Variants in COX10 observed in about 807,000 individuals in gnomAD.
COX10 encodes protoheme IX farnesyltransferase, mitochondrial.
Under a neutral mutation model 37.3 loss-of-function variants are expected in COX10, and 27 were observed. The observed-to-expected ratio is 0.72, with a 90% CI of 0.53 to 1.00. The LOEUF is 1.00. Ranked by LOEUF, COX10 falls within the 50% of genes least tolerant of loss-of-function variation. The pLI, the probability that COX10 is intolerant of heterozygous loss-of-function variation, is 0.00. For missense variants in COX10, 475 were observed against 563.2 expected (o/e 0.84, Z 1.59); for synonymous variants, 222 against 229.1 (o/e 0.97, Z 0.28).
rs893194386 is a variant in COX10 at position 14,208,173 on chromosome 17, A to G, written c.*960A>G. On this transcript the variant is annotated 3_prime_UTR_variant, in exon 7 of 7. Coordinates refer to ENST00000261643, the MANE Select transcript of COX10 (RefSeq NM_001303.4). Reference sequence around the variant, plus strand: ...GGGTGAAAAATACATGTCCATCCTGATATCTCCTGAATTCAGAAATTAGCC... The same window carrying G: ...GGGTGAAAAATACATGTCCATCCTGGTATCTCCTGAATTCAGAAATTAGCC... 1 of 152,198 alleles carries G rather than the reference A, an allele frequency of 6.6e-6. No homozygotes were observed. The highest frequency in any genetic ancestry group is 1.5e-5 in the Non-Finnish European group (1 of 68,050). The allele number at this position is 152,198 out of a possible 1,614,324, so 9.4% of individuals were successfully genotyped here.
intron 4 of COX10, among the ~76,000 whole-genome samples, chr17:14,141,141 A>G (rs1904531339): frequency 6.6e-6 from 1 of 152,042 alleles, no homozygotes; most frequent in Non-Finnish European, 1.5e-5. Flanking sequence ...TCACTTTTGT[A>G]TCTGAAACCG....
intron 1 of COX10, among the ~76,000 whole-genome samples, chr17:14,073,419 G>A (rs1915074037): frequency 6.6e-6 from 1 of 152,154 alleles, no homozygotes; most frequent in Non-Finnish European, 1.5e-5. Context: ...AGGGAACAGA[G>A]TAGAGATTGG....
intron 4 of COX10, among the ~76,000 whole-genome samples, chr17:14,105,780 G>C (rs35409816): frequency 6.6e-6 from 1 of 151,932 alleles, no homozygotes; most frequent in South Asian, 2.1e-4. Flanking sequence ...TCTTGCTTTT[G>C]TAGTGCCTAT....
At chr17:14,125,967 T>C (rs1169132693) in intron 4 of COX10, among the ~76,000 whole-genome samples, 1 of 152,154 alleles carries the variant, frequency 6.6e-6, no homozygotes, top group Non-Finnish European at 1.5e-5. Flanking sequence ...GCCAAAGCCA[T>C]CAGACAACCT....
At position 14,168,008 on chromosome 17, in the gene COX10, A is replaced by G. The variant is rs139933453; in HGVS notation, c.695+8061A>G. The stretch of plus-strand genomic sequence containing the variant: ...CTCAAAAGTCCAAGTCCAAAGTCCC[A>G]TCTGAGACAAGGGAAATAAATCCCT... On this transcript the variant is annotated intron_variant, in intron 5 of 6. Transcript: ENST00000261643. Among the ~76,000 whole-genome samples, 584 of 152,342 alleles carry G rather than the reference A, an allele frequency of 3.8e-3. 4 individuals are homozygous for G. The highest frequency in any genetic ancestry group is 0.012 in the African/African-American group (500 of 41,588).
At position 14,076,807 on chromosome 17, in the gene COX10, C is replaced by T. The variant is rs764609746; in HGVS notation, c.250C>T (p.Leu84Phe). Residue 84 changes from leucine (L) to phenylalanine (F), a missense_variant, in exon 3 of 7, where the codon CTT (leucine) becomes TTT (phenylalanine). Physicochemically the swap from Leu to Phe is conservative, Grantham distance 22 (BLOSUM62 0). This residue lies in a region of COX10 where 242 missense variants were observed against 242.5 expected (regional missense o/e 1.00). Transcript: ENST00000261643. ...GCCAGAACCAGTAGCATCTCCTTTC[C>T]TTGAAAAAACATCTTCAGGTCAAGC... ...PKPEPVASPFLEKTSSGQAKA... is the reference protein window; with the variant it reads ...PKPEPVASPFFEKTSSGQAKA... 10 of 1,614,102 alleles carry T rather than the reference C, an allele frequency of 6.2e-6. No individual in the cohort carries two copies. Among genetic ancestry groups the T allele is most frequent in the Non-Finnish European group, 7.6e-6 (9 of 1,180,012 alleles).
rs1356416285 is a variant in COX10, at chr17:14,179,894, T to C, written c.696-12095T>C. ...CAAAAGGTTATTTAGAGAGGATAAA[T>C]TAAAACACTTGGAATTGGGGTCAGT... is the stretch of plus-strand genomic sequence containing the variant. On this transcript the variant is annotated intron_variant, in intron 5 of 6. Coordinates refer to ENST00000261643, the MANE Select transcript of COX10 (RefSeq NM_001303.4). 4.0e-5 allele frequency among the ~76,000 whole-genome samples: 6 copies of C among 151,828 alleles called. No individual in the cohort carries two copies. In the South Asian group the frequency reaches 1.3e-3, roughly 32 times the overall value.
At chr17:14,110,322 T>C (rs139085349) in intron 4 of COX10, among the ~76,000 whole-genome samples, 1 of 152,278 alleles carries the variant, frequency 6.6e-6, no homozygotes, top group East Asian at 1.9e-4. Context: ...GGTGATGTCT[T>C]GGGTTCAGCA....
At chr17:14,109,826 A>C (rs1019308924) in intron 4 of COX10, among the ~76,000 whole-genome samples, 1 of 152,100 alleles carries the variant, frequency 6.6e-6, no homozygotes, top group African/African-American at 2.4e-5. Flanking sequence ...AACGACATCG[A>C]GTGGATCTAG....
chr17:14,126,976 A>T (rs1040910044), intron 4 of COX10, among the ~76,000 whole-genome samples: 1 of 142,872 alleles, frequency 7.0e-6, no homozygotes, highest in Non-Finnish European at 1.5e-5. Context: ...TAGTGACTCG[A>T]ATTCATGTTT....
chr17:14,113,766 C>T (rs1364617372), intron 4 of COX10, among the ~76,000 whole-genome samples: 1 of 152,110 alleles, frequency 6.6e-6, no homozygotes, highest in East Asian at 1.9e-4. Flanking sequence ...CTGGTAATTG[C>T]AAATGTGTTT....
chr17:14,076,698 G>T, intron 2 of COX10, 37 bp from the exon 3 acceptor site: 2 of 1,603,506 alleles, frequency 1.2e-6, no homozygotes, highest in Non-Finnish European at 1.7e-6. Context: ...AGCATTTGGG[G>T]CCTTGGTTTT....
chr17:14,175,914 G>A lies in COX10; in HGVS notation c.695+15967G>A, dbSNP rs571051419. Among the ~76,000 whole-genome samples the A allele has an allele frequency of 5.3e-5, 8 of 152,024 alleles. No homozygotes were observed. The East Asian group carries it at 1.6e-3, about 30-fold the overall frequency. ...AAGGCCAGTGTGGTGAGAACATAAT[G>A]AACAAGGGGCAGGGTGGCACAAGAT... On this transcript the variant is annotated intron_variant, in intron 5 of 6. Transcript: ENST00000261643.
intron 4 of COX10, among the ~76,000 whole-genome samples, chr17:14,154,861 G>A (rs905816619): frequency 1.0e-5 from 1 of 98,610 alleles, no homozygotes; most frequent in East Asian, 3.3e-4. Flanking sequence ...CCCTTGGGCA[G>A]TTTGCTCTGT....
chr17:14,097,671 C>G lies in COX10; in HGVS notation c.500-4447C>G, dbSNP rs532123947. ...TTTTCCTGTCATGTAACTACATACC[C>G]TTTTCAATTTTAAACAAAATGAACT... On this transcript the variant is annotated intron_variant, in intron 3 of 6. Coordinates refer to ENST00000261643, the MANE Select transcript of COX10 (RefSeq NM_001303.4). 2.0e-5 allele frequency among the ~76,000 whole-genome samples: 3 copies of G among 152,216 alleles called. No homozygotes were observed. The East Asian group carries it at 5.8e-4, about 29-fold the overall frequency.
rs557163590 is a variant in COX10 at position 14,207,514 on chromosome 17, A to G, written c.*301A>G. The G allele has an allele frequency of 1.8e-5, 6 of 337,926 alleles. No individual in the cohort carries two copies. Among genetic ancestry groups the G allele is most frequent in the African/African-American group, 1.1e-4 (5 of 47,594 alleles). 20.9% of individuals were successfully genotyped at this position (337,926 alleles called of 1,614,324 possible). Reference sequence around the variant, plus strand: ...TGTTTCTTCCTCCTCACATGGGGGTACACATACACAGCTTCCTCTTTTGGT... The same window carrying G: ...TGTTTCTTCCTCCTCACATGGGGGTGCACATACACAGCTTCCTCTTTTGGT... On this transcript the variant is annotated 3_prime_UTR_variant, in exon 7 of 7. Transcript: ENST00000261643.
chr17:14,118,840 A>G (rs1597507811), intron 4 of COX10, among the ~76,000 whole-genome samples: 1 of 141,652 alleles, frequency 7.1e-6, no homozygotes, highest in South Asian at 2.2e-4. Context: ...TTTCTCACCC[A>G]TTTTCTTTTT....
At chr17:14,164,342 T>C (rs941257859) in intron 5 of COX10, among the ~76,000 whole-genome samples, 3 of 152,190 alleles carry the variant, frequency 2.0e-5, no homozygotes, top group African/African-American at 7.2e-5. Context: ...TGCTTCTAAC[T>C]GTTATGCCCA....
At chr17:14,166,801 T>A (rs1286783978) in intron 5 of COX10, among the ~76,000 whole-genome samples, 3 of 144,668 alleles carry the variant, frequency 2.1e-5, no homozygotes. Flanking sequence ...TTTTTTTTTT[T>A]TTTTTTGTAT....
Sources: allele counts gnomAD v4.1 joint callset (sites outside exome capture counted in the v4.1 genomes callset), GRCh38; gene constraint gnomAD v4.1.1; regional missense constraint gnomAD v4.1.1; transcripts MANE v1.5; gene names NCBI Gene and HGNC (gene_info 2026-07-23, HGNC 2026-07-21).